PSEN2: variants seen among roughly 807,000 people sequenced by gnomAD.
PSEN2 encodes presenilin 2, also known as presenilin-2.
Under a neutral mutation model 49.1 loss-of-function variants are expected in PSEN2, and 32 were observed. The ratio of observed to expected loss-of-function variants is 0.65; its 90% confidence interval spans 0.49 to 0.88. The LOEUF (loss-of-function observed/expected upper bound fraction) is 0.88, where lower values mean the gene tolerates loss of function less well. PSEN2 is among the 40% of genes least tolerant of loss of function. The probability of loss-of-function intolerance (pLI) is 0.00; values close to 1 mark genes in which losing one functional copy is unlikely to be tolerated. For missense variants in PSEN2, 522 were observed against 586.9 expected, an observed-to-expected ratio of 0.89 and a Z score of 1.14; for synonymous variants, 255 against 244.0, an observed-to-expected ratio of 1.05 and a Z score of -0.42.
chr1:226,888,108 G>A lies in PSEN2; in HGVS notation c.516G>A (p.Leu172=), dbSNP rs745582651. The part of the protein sequence containing the change: ...YRCYKFIHGW[L]IMSSLMLLFL... ...TTGTCTAGTTCATCCATGGCTGGTTGATCATGTCTTCACTGATGCTGCTGT... is the reference window on the plus strand; with the variant it reads ...TTGTCTAGTTCATCCATGGCTGGTTAATCATGTCTTCACTGATGCTGCTGT... The change falls in exon 7 of 13, where the codon TTG becomes TTA. Residue 172 remains leucine (L), a synonymous_variant. Transcript: ENST00000366783. 14 of 1,613,880 alleles carry A rather than the reference G, an allele frequency of 8.7e-6. No homozygotes were observed. Among genetic ancestry groups the A allele is most frequent in the African/African-American group, 1.3e-5 (1 of 75,050 alleles).
At position 226,895,689 on chromosome 1, in the gene PSEN2, A is replaced by AATAAAGTAC; in HGVS notation, c.*111_*119dup. On this transcript the variant is annotated 3_prime_UTR_variant, in exon 13 of 13. Coordinates refer to ENST00000366783, the MANE Select transcript of PSEN2 (RefSeq NM_000447.3). ...TTTTAAGACTTTTCTTTCCTTAAAA[A>AATAAAGTAC]ATAAAGTACGTGTTTACTTGGTGAG... The AATAAAGTAC allele has an allele frequency of 7.5e-7, 1 of 1,333,246 alleles. No homozygotes were observed. The highest frequency in any genetic ancestry group is 1.0e-6 in the Non-Finnish European group (1 of 964,386). 82.6% of individuals were successfully genotyped at this position (1,333,246 alleles called of 1,614,324 possible).
At chr1:226,873,013 AC>A (rs561441805) in intron 2 of PSEN2, among the ~76,000 whole-genome samples, 1,827 of 152,226 alleles carry the variant, frequency 0.012, 38 homozygotes, top group Non-Finnish European at 0.014. Context: ...CCCCATCTTT[AC>A]TAAAAATACA....
intron 8 of PSEN2, among the ~76,000 whole-genome samples, chr1:226,889,536 A>G (rs1661599865): frequency 6.6e-6 from 1 of 152,080 alleles, no homozygotes; most frequent in South Asian, 2.1e-4. Flanking sequence ...CAGCCTCCCA[A>G]AGTACTGGGA....
chr1:226,890,142 G>A lies in PSEN2; in HGVS notation c.886+9G>A. 1 of 1,604,098 alleles carries A rather than the reference G, an allele frequency of 6.2e-7. No homozygotes were observed. The highest frequency in any genetic ancestry group is 2.2e-5 in the East Asian group (1 of 44,806). On this transcript the variant is annotated intron_variant, in intron 9 of 12. Coordinates refer to ENST00000366783, the MANE Select transcript of PSEN2 (RefSeq NM_000447.3). ...TGCCCTGATATACTCATGTGAGTGA[G>A]CCCCCCGTGCCTCTGCCTGACTCGG...
downstream of PSEN2, among the ~76,000 whole-genome samples, chr1:226,897,089 C>T (rs1662176035): frequency 6.6e-6 from 1 of 152,120 alleles, no homozygotes; most frequent in Non-Finnish European, 1.5e-5. Flanking sequence ...ATTAGTAGTG[C>T]AGGTCAGAGA....
chr1:226,895,670 G>C lies in PSEN2; in HGVS notation c.*91G>C. On this transcript the variant is annotated 3_prime_UTR_variant, in exon 13 of 13. Coordinates refer to ENST00000366783, the MANE Select transcript of PSEN2 (RefSeq NM_000447.3). ...ACACTCTAGTGCCATATATTTTTAA[G>C]ACTTTTCTTTCCTTAAAAAATAAAG... 7.0e-7 allele frequency: 1 copy of C among 1,430,168 alleles called. No homozygotes were observed. Among genetic ancestry groups the C allele is most frequent in the Non-Finnish European group, 9.6e-7 (1 of 1,044,558 alleles). The allele number at this position is 1,430,168 out of a possible 1,614,324, so 88.6% of individuals were successfully genotyped here. A position where few individuals can be genotyped will look rare whatever the true frequency, so the allele number is the denominator to read the frequency against.
chr1:226,899,158 G>T (rs1327380697), downstream of PSEN2: 1 of 152,106 alleles, frequency 6.6e-6, no homozygotes, highest in African/African-American at 2.4e-5. Flanking sequence ...TTTTTTGCTT[G>T]TATGGCTTAT....
chr1:226,879,571 C>G lies in PSEN2; in HGVS notation c.-20-2317C>G, dbSNP rs149375801. Among the ~76,000 whole-genome samples the G allele has an allele frequency of 3.9e-3, 589 of 152,326 alleles. 5 individuals carry two copies. The highest frequency in any genetic ancestry group is 0.015 in the South Asian group (70 of 4,824). ...GCCACATCCAATTGCTCGATATTAT[C>G]AGGATAGGTTATGTTATGTTCCCAA... is the stretch of plus-strand genomic sequence containing the variant. On this transcript the variant is annotated intron_variant, in intron 3 of 12. Transcript: ENST00000366783.
At chr1:226,889,562 A>G (rs1241157767) in intron 8 of PSEN2, among the ~76,000 whole-genome samples, 1 of 152,232 alleles carries the variant, frequency 6.6e-6, no homozygotes. Flanking sequence ...GGCATGAGCC[A>G]CTACACCCAG....
At chr1:226,888,785 G>A (rs973351874) in intron 7 of PSEN2, 44 bp from the exon 8 acceptor site, 1 of 1,537,556 alleles carries the variant, frequency 6.5e-7, no homozygotes, top group Non-Finnish European at 9.0e-7. Flanking sequence ...AGGCTGTAAT[G>A]CCTCCACTGA....
chr1:226,898,545 G>A (rs948626006), downstream of PSEN2: 1 of 152,206 alleles, frequency 6.6e-6, no homozygotes, highest in South Asian at 2.1e-4. Flanking sequence ...TTGGATGGGT[G>A]TCATTTCCTT....
chr1:226,880,266 A>T (rs1571944319), intron 3 of PSEN2, among the ~76,000 whole-genome samples: 1 of 152,200 alleles, frequency 6.6e-6, no homozygotes, highest in South Asian at 2.1e-4. Flanking sequence ...AGCCCTAGCT[A>T]CTGAGGAGGC....
chr1:226,888,303 C>A, intron 7 of PSEN2, 145 bp downstream of exon 7: 1 of 737,602 alleles, frequency 1.4e-6, no homozygotes, highest in South Asian at 1.5e-5. Context: ...CCCAGGCCTC[C>A]GTCGCCCTCT....
Position 226,885,546 on chromosome 1 carries a change from C to T in PSEN2, c.365C>T (p.Thr122Met), listed in dbSNP as rs28936380. 5.0e-6 allele frequency: 8 copies of T among 1,614,002 alleles called. No homozygotes were observed. The highest frequency in any genetic ancestry group is 4.5e-5 in the East Asian group (2 of 44,866). Residue 122 changes from threonine to methionine, a missense_variant, in exon 6 of 13, where the codon ACG becomes ATG. Physicochemically the swap from Thr to Met is moderately conservative, Grantham distance 81. Transcript: ENST00000366783. ...YTEKNGQLIY[T>M]PFTEDTPSVG... ...TTTGCCTTCTCCCTCAGCATCTACACGCCATTCACTGAGGACACACCCTCG... is the reference window on the plus strand; with the variant it reads ...TTTGCCTTCTCCCTCAGCATCTACATGCCATTCACTGAGGACACACCCTCG...
rs1196007206 is a variant in PSEN2 at position 226,884,461 on chromosome 1, G to T, written c.356+542G>T. Among the ~76,000 whole-genome samples the T allele has an allele frequency of 6.6e-5, 10 of 151,864 alleles. No individual in the cohort carries two copies. The East Asian group carries it at 1.5e-3, about 23-fold the overall frequency. The stretch of plus-strand genomic sequence containing the variant: ...GTAAAATACATGCAGAGGCAGCAGC[G>T]TAGAAAAATGAGAAGCTTCCTCCAC... On this transcript the variant is annotated intron_variant, in intron 5 of 12. Transcript: ENST00000366783.
At chr1:226,889,517 G>A (rs762391256) in intron 8 of PSEN2, among the ~76,000 whole-genome samples, 3 of 151,982 alleles carry the variant, frequency 2.0e-5, no homozygotes, top group East Asian at 1.9e-4. Flanking sequence ...CCTTGTGATC[G>A]GCCCGCCTCA....
intron 6 of PSEN2, among the ~76,000 whole-genome samples, chr1:226,886,408 G>C (rs556662247): frequency 1.3e-5 from 2 of 152,262 alleles, no homozygotes; most frequent in African/African-American, 4.8e-5. Flanking sequence ...TTGGGTTGTA[G>C]CTGCCTATAG....
chr1:226,890,143 C>A lies in PSEN2; in HGVS notation c.886+10C>A, dbSNP rs762697051. 2 of 1,601,936 alleles carry A rather than the reference C, an allele frequency of 1.2e-6. No individual in the cohort carries two copies. Among genetic ancestry groups the A allele is most frequent in the Non-Finnish European group, 8.6e-7 (1 of 1,169,100 alleles). On this transcript the variant is annotated intron_variant, in intron 9 of 12. Transcript: ENST00000366783. ...GCCCTGATATACTCATGTGAGTGAGCCCCCCGTGCCTCTGCCTGACTCGGG... is the reference window on the plus strand; with the variant it reads ...GCCCTGATATACTCATGTGAGTGAGACCCCCGTGCCTCTGCCTGACTCGGG...
downstream of PSEN2, among the ~76,000 whole-genome samples, chr1:226,900,685 T>G (rs1662288793): frequency 6.6e-6 from 1 of 152,160 alleles, no homozygotes; most frequent in Non-Finnish European, 1.5e-5. Context: ...TTTAGGACAT[T>G]GGCCAAGAGC....
Sources: gnomAD v4.1 joint callset for allele counts (sites outside exome capture counted in the v4.1 genomes callset) on GRCh38, gnomAD v4.1.1 for gene constraint, MANE v1.5 for transcripts, NCBI Gene and HGNC (gene_info 2026-07-23, HGNC 2026-07-21) for gene names.